BAAT: variants seen among roughly 807,000 people sequenced by gnomAD.
BAAT encodes the protein bile acid CoA: amino acid N-acyltransferase (glycine N-choloyltransferase).
Under a neutral mutation model 18.9 loss-of-function variants are expected in BAAT, and 13 were observed. The ratio of observed to expected loss-of-function variants is 0.69; its 90% confidence interval spans 0.45 to 1.10. The LOEUF is 1.10. BAAT is among the 50% of genes least tolerant of loss of function. The pLI is 0.00. For synonymous variants in BAAT, 170 were observed against 190.7 expected, an observed-to-expected ratio of 0.89 and a Z score of 0.89; for missense variants, 489 against 504.0, an observed-to-expected ratio of 0.97 and a Z score of 0.28.
At chr9:101,383,187 T>G (rs1830157783) in intron 1 of BAAT, among the ~76,000 whole-genome samples, 1 of 152,192 alleles carries the variant, frequency 6.6e-6, no homozygotes, top group South Asian at 2.1e-4. Context: ...CTGATAGCCT[T>G]TCATTTTCCT....
At chr9:101,379,283 G>GAGCCACCGCATCC (rs1830094972) in intron 1 of BAAT, among the ~76,000 whole-genome samples, 1 of 152,216 alleles carries the variant, frequency 6.6e-6, no homozygotes, top group Non-Finnish European at 1.5e-5. Flanking sequence ...TTACAGGCGT[G>GAGCCACCGCATCC]AGCCACCGCA....
rs773417769 is a variant in BAAT at position 101,362,824 on chromosome 9, GGT to G, written c.859_860del (p.Thr287GlnfsTer13). 1 of 1,614,140 alleles carries G rather than the reference GGT, an allele frequency of 6.2e-7. No homozygotes were observed. Among genetic ancestry groups the G allele is most frequent in the Non-Finnish European group, 8.5e-7 (1 of 1,180,002 alleles). ...AGAGCTCTAGTAACCCCAAGGCATT[GGT>G]GGATATTAATTGTGCAGAATGGGGA... is the stretch of plus-strand genomic sequence containing the variant. Reference protein sequence around the residue: ...PLPHSAQLISTNALGLLELYR... With the variant: ...PLPHSAQLISXNALGLLELYR... On this transcript the variant is annotated frameshift_variant, in exon 4 of 4. Coordinates refer to ENST00000259407, the MANE Select transcript of BAAT (RefSeq NM_001701.4). LOFTEE classifies it low-confidence loss of function (END_TRUNC).
intron 1 of BAAT, among the ~76,000 whole-genome samples, chr9:101,384,198 C>T (rs1265581372): frequency 6.6e-6 from 1 of 152,136 alleles, no homozygotes; most frequent in African/African-American, 2.4e-5. Flanking sequence ...AACTATTAAG[C>T]TACTACCTTG....
At chr9:101,380,137 A>G (rs1279655981) in intron 1 of BAAT, among the ~76,000 whole-genome samples, 3 of 128,760 alleles carry the variant, frequency 2.3e-5, no homozygotes, top group Non-Finnish European at 5.0e-5. Flanking sequence ...GGTTATAGCA[A>G]CTCCATCTTG....
intron 1 of BAAT, among the ~76,000 whole-genome samples, chr9:101,375,101 TC>T (rs1310085853): frequency 2.0e-5 from 3 of 151,966 alleles, no homozygotes; most frequent in Non-Finnish European, 4.4e-5. Flanking sequence ...CGGGAGTTGT[TC>T]CCCCCCATAC....
chr9:101,376,248 C>G (rs1830044147), intron 1 of BAAT: 1 of 186,770 alleles, frequency 5.4e-6, no homozygotes, highest in Non-Finnish European at 1.2e-5. Context: ...GTTCTATATT[C>G]CTGTCACCTA....
chr9:101,362,793 T>C lies in BAAT; in HGVS notation c.892A>G (p.Thr298Ala). 6.2e-7 allele frequency: 1 copy of C among 1,614,132 alleles called. No individual in the cohort carries two copies. The highest frequency in any genetic ancestry group is 1.1e-5 in the South Asian group (1 of 91,086). ...GCCCCAACTTGAGTTGTCTCAAAAGTGCGATAGAGCTCTAGTAACCCCAAG... is the reference window on the plus strand; with the variant it reads ...GCCCCAACTTGAGTTGTCTCAAAAGCGCGATAGAGCTCTAGTAACCCCAAG... The part of the protein sequence containing the change: ...NALGLLELYR[T>A]FETTQVGASQ... The change falls in exon 4 of 4, where the codon ACT becomes GCT. Residue 298 changes from threonine to alanine, a missense_variant. Thr to Ala is a moderately conservative substitution (Grantham distance 58). Transcript: ENST00000259407.
At chr9:101,368,362 T>G in intron 2 of BAAT, 40 bp from the exon 3 acceptor site, 1 of 1,577,622 alleles carries the variant, frequency 6.3e-7, no homozygotes, top group African/African-American at 1.4e-5. Context: ...GAAGAGAAGG[T>G]GTGGAAAAGA....
intron 1 of BAAT, among the ~76,000 whole-genome samples, chr9:101,372,007 A>T (rs971825647): frequency 3.3e-5 from 5 of 152,302 alleles, no homozygotes; most frequent in African/African-American, 1.2e-4. Context: ...CTTTGCAGCA[A>T]CATGGATGCA....
rs1407242598 is a variant in BAAT, at chr9:101,380,813, G to GTGCAATCTTGGCTCAC, written c.-60+4026_-60+4041dup. ...CTGTCGCCCAGGCTGGAGTGCAGTG[G>GTGCAATCTTGGCTCAC]TGCAATCTTGGCTCACTGCAATCTC... On this transcript the variant is annotated intron_variant, in intron 1 of 3. Transcript: ENST00000259407. 3.3e-5 allele frequency among the ~76,000 whole-genome samples: 5 copies of GTGCAATCTTGGCTCAC among 152,206 alleles called. 1 individual carries two copies. Among genetic ancestry groups the GTGCAATCTTGGCTCAC allele is most frequent in the African/African-American group, 1.2e-4 (5 of 41,556 alleles).
intron 3 of BAAT, 70 bp from the exon 4 acceptor site, chr9:101,363,085 C>T (rs1829766799): frequency 1.4e-6 from 2 of 1,428,798 alleles, no homozygotes; most frequent in Admixed American, 1.8e-5. Flanking sequence ...TCTCAAACAA[C>T]CAAAGAACTT....
intron 3 of BAAT, among the ~76,000 whole-genome samples, chr9:101,367,342 T>C (rs926003261): frequency 2.0e-5 from 3 of 152,094 alleles, no homozygotes; most frequent in East Asian, 1.9e-4. Context: ...CAGTTAAGTA[T>C]AGTGATGAGA....
intron 3 of BAAT, among the ~76,000 whole-genome samples, chr9:101,366,365 A>C (rs1829827906): frequency 6.6e-6 from 1 of 152,238 alleles, no homozygotes; most frequent in Non-Finnish European, 1.5e-5. Flanking sequence ...GGAAATTATG[A>C]GTTCTTAGAA....
intron 1 of BAAT, 113 bp from the exon 2 acceptor site, chr9:101,371,576 T>C (rs1169525022): frequency 1.4e-6 from 1 of 691,886 alleles, no homozygotes; most frequent in African/African-American, 1.8e-5. Context: ...CCTCTAGTTC[T>C]TTAGAAACTT....
intron 1 of BAAT, chr9:101,375,240 T>C (rs1453693169): frequency 6.5e-6 from 1 of 152,968 alleles, no homozygotes; most frequent in Non-Finnish European, 1.5e-5. Flanking sequence ...TCTGCTATGA[T>C]TGTGAGGCCT....
chr9:101,366,261 C>T (rs188743572), intron 3 of BAAT, among the ~76,000 whole-genome samples: 1 of 152,260 alleles, frequency 6.6e-6, no homozygotes, highest in African/African-American at 2.4e-5. Context: ...AACAAAAAAG[C>T]ATGACTCATA....
chr9:101,370,737 T>C (rs1052654435), intron 2 of BAAT, among the ~76,000 whole-genome samples: 1 of 152,132 alleles, frequency 6.6e-6, no homozygotes, highest in Non-Finnish European at 1.5e-5. Flanking sequence ...AAGGTTAACA[T>C]TGATTGTAAG....
Position 101,362,461 on chromosome 9 carries a change from C to T in BAAT, c.1224G>A (p.Lys408=). ...GACTGGTCACATCTGGAATGAGGTGCTTCCTGAGAAATCTCTGGATCTCCT... is the reference window on the plus strand; with the variant it reads ...GACTGGTCACATCTGGAATGAGGTGTTTCCTGAGAAATCTCTGGATCTCCT... ...AWKEIQRFLR[K]HLIPDVTSQL Residue 408 remains lysine, a synonymous_variant, in exon 4 of 4, where the codon AAG becomes AAA. Coordinates refer to ENST00000259407, the MANE Select transcript of BAAT (RefSeq NM_001701.4). 1 of 1,614,096 alleles carries T rather than the reference C, an allele frequency of 6.2e-7. No homozygotes were observed. Among genetic ancestry groups the T allele is most frequent in the Non-Finnish European group, 8.5e-7 (1 of 1,180,000 alleles).
At chr9:101,377,007 C>T (rs1321410899) in intron 1 of BAAT, among the ~76,000 whole-genome samples, 3 of 152,012 alleles carry the variant, frequency 2.0e-5, no homozygotes, top group Non-Finnish European at 1.5e-5. Context: ...TAGAGAAAAG[C>T]TTTATGGAAT....
Sources: gnomAD v4.1 joint callset for allele counts (sites outside exome capture counted in the v4.1 genomes callset) on GRCh38, gnomAD v4.1.1 for gene constraint, MANE v1.5 for transcripts, NCBI Gene and HGNC (gene_info 2026-07-23, HGNC 2026-07-21) for gene names.